PRDM14: variants seen among roughly 807,000 people sequenced by gnomAD.
The protein encoded by PRDM14 is PR/SET domain 14.
Under a neutral mutation model 48.0 loss-of-function variants are expected in PRDM14, and 16 were observed. That is an observed-to-expected ratio of 0.33 (90% CI 0.23 to 0.51). PRDM14 has a LOEUF of 0.51. PRDM14 is among the 20% of genes least tolerant of loss of function. The pLI, the probability that PRDM14 is intolerant of heterozygous loss-of-function variation, is 0.97. For synonymous variants in PRDM14, 264 were observed against 276.6 expected (o/e 0.95, Z 0.45); for missense variants, 566 against 719.6 (o/e 0.79, Z 2.44).
intron 2 of PRDM14, among the ~76,000 whole-genome samples, chr8:70,068,781 T>C (rs1347433423): frequency 6.6e-6 from 1 of 152,180 alleles, no homozygotes; most frequent in Non-Finnish European, 1.5e-5. Flanking sequence ...TTAACCCCAT[T>C]AGGCAAATTC....
chr8:70,069,956 A>AGCCTC (rs1202981037), intron 1 of PRDM14, 72 bp from the exon 2 acceptor site: 1 of 876,792 alleles, frequency 1.1e-6, no homozygotes, highest in African/African-American at 1.7e-5. Context: ...CCTCCCCACC[A>AGCCTC]GCCTCCTCCA....
At position 70,068,375 on chromosome 8, in the gene PRDM14, A is replaced by C; in HGVS notation, c.767T>G (p.Met256Arg). The change falls in exon 4 of 8, where the codon ATG becomes AGG. Residue 256 changes from methionine (M) to arginine (R), a missense_variant. Transcript: ENST00000276594. The part of the protein sequence containing the change: ...SLQLPEGLCL[M>R]QTVFGEVPHF... ...TGGGACTTCACCAAACACCGTCTGC[A>C]TGAGGCATAGACCTAGGGGAAAGCC... is the stretch of plus-strand genomic sequence containing the variant. 1 of 1,614,234 alleles carries C rather than the reference A, an allele frequency of 6.2e-7. No individual in the cohort carries two copies. The highest frequency in any genetic ancestry group is 1.7e-5 in the Admixed American group (1 of 60,022).
chr8:70,067,210 T>G (rs561778755), intron 4 of PRDM14, among the ~76,000 whole-genome samples: 1 of 152,304 alleles, frequency 6.6e-6, no homozygotes, highest in African/African-American at 2.4e-5. Context: ...TTCATGCATA[T>G]TAATGGAGCT....
chr8:70,062,914 T>C (rs775078184), intron 5 of PRDM14, among the ~76,000 whole-genome samples: 1 of 152,224 alleles, frequency 6.6e-6, no homozygotes, highest in Non-Finnish European at 1.5e-5. Flanking sequence ...TGGGATTTCT[T>C]GATTGGAGCT....
intron 5 of PRDM14, among the ~76,000 whole-genome samples, chr8:70,065,178 GC>G (rs1160095062): frequency 1.3e-5 from 2 of 151,998 alleles, no homozygotes; most frequent in Non-Finnish European, 2.9e-5. Context: ...GAGCCACTGT[GC>G]CCGACCTGAG....
chr8:70,069,478 T>A lies in PRDM14; in HGVS notation c.383A>T (p.Asp128Val). 1 of 1,581,886 alleles carries A rather than the reference T, an allele frequency of 6.3e-7. No homozygotes were observed. Among genetic ancestry groups the A allele is most frequent in the South Asian group, 1.2e-5 (1 of 85,752 alleles). ...SHEYAGASSE[D>V]LGHQIIGGDN... ...GCCACCAATGATTTGGTGGCCCAGA[T>A]CTTCACTGCTGGCACCCGCGTACTC... Residue 128 changes from aspartate (D) to valine (V), a missense_variant, in exon 2 of 8, where the codon GAT (aspartate) becomes GTT (valine). By Grantham distance (152) the Asp-to-Val change is radical. This residue lies in a region of PRDM14 where 410 missense variants were observed against 424.6 expected (regional missense o/e 0.97). Coordinates refer to ENST00000276594, the MANE Select transcript of PRDM14 (RefSeq NM_024504.4).
intron 5 of PRDM14, among the ~76,000 whole-genome samples, chr8:70,059,566 G>C (rs527647894): frequency 6.6e-6 from 1 of 151,942 alleles, no homozygotes; most frequent in African/African-American, 2.4e-5. Flanking sequence ...CACCATGCCC[G>C]GCCGCCAAGA....
intron 5 of PRDM14, among the ~76,000 whole-genome samples, chr8:70,061,268 A>G (rs905882494): frequency 6.6e-6 from 1 of 152,206 alleles, no homozygotes; most frequent in Non-Finnish European, 1.5e-5. Flanking sequence ...TTGACTATGA[A>G]TGCACCACAG....
intron 5 of PRDM14, among the ~76,000 whole-genome samples, chr8:70,061,564 G>A (rs1805581919): frequency 1.3e-5 from 2 of 152,172 alleles, no homozygotes; most frequent in African/African-American, 4.8e-5. Context: ...CCCGTGCTGG[G>A]ACACTTTTTT....
At position 70,060,792 on chromosome 8, in the gene PRDM14, TAAG is replaced by T. The variant is rs571045289; in HGVS notation, c.1184-1953_1184-1951del. 3.5e-4 allele frequency among the ~76,000 whole-genome samples: 54 copies of T among 152,304 alleles called. No homozygotes were observed. In the South Asian group the frequency reaches 0.011, roughly 30 times the overall value. On this transcript the variant is annotated intron_variant, in intron 5 of 7. Coordinates refer to ENST00000276594, the MANE Select transcript of PRDM14 (RefSeq NM_024504.4). ...GCCGACCTATTTCTCTTTGTGCCTT[TAAG>T]ATCAGCCTGAGTTACAAGCTCAGAG...
intron 5 of PRDM14, among the ~76,000 whole-genome samples, chr8:70,059,786 G>A (rs545398828): frequency 6.6e-6 from 1 of 152,162 alleles, no homozygotes; most frequent in African/African-American, 2.4e-5. Flanking sequence ...TTTAGAAGAT[G>A]ACATATTTTT....
At chr8:70,062,258 G>A (rs546356731) in intron 5 of PRDM14, among the ~76,000 whole-genome samples, 1 of 152,216 alleles carries the variant, frequency 6.6e-6, no homozygotes, top group Non-Finnish European at 1.5e-5. Flanking sequence ...ACCATCATAA[G>A]CCCTCATTCT....
At chr8:70,054,218 G>A (rs886446127) in intron 7 of PRDM14, among the ~76,000 whole-genome samples, 2 of 152,142 alleles carry the variant, frequency 1.3e-5, no homozygotes, top group Non-Finnish European at 2.9e-5. Context: ...ACTAGATGCC[G>A]CTTCTGCAAT....
In PRDM14 at chr8:70,066,402, AGGTTCTGCTCCTT is replaced by A; in HGVS notation, c.1003_1015del (p.Lys335Ter). ...ATGCCCTTGACACTGCACAGCAACT[AGGTTCTGCTCCTT>A]GGGGAAGCGGGCACAGTTGACATAG... On this transcript the variant is annotated frameshift_variant, in exon 5 of 8. Coordinates refer to ENST00000276594, the MANE Select transcript of PRDM14 (RefSeq NM_024504.4). LOFTEE classifies it high-confidence loss of function. The A allele has an allele frequency of 1.2e-6, 2 of 1,614,182 alleles. No homozygotes were observed. The highest frequency in any genetic ancestry group is 1.7e-6 in the Non-Finnish European group (2 of 1,180,020).
intron 7 of PRDM14, 108 bp downstream of exon 7, chr8:70,055,192 G>T: frequency 1.7e-6 from 1 of 587,034 alleles, no homozygotes; most frequent in Non-Finnish European, 3.0e-6. Flanking sequence ...GCTGATATTT[G>T]ACTAACATTT....
chr8:70,055,492 T>G (rs3750226), intron 6 of PRDM14, 91 bp from the exon 7 acceptor site: 3 of 659,442 alleles, frequency 4.5e-6, no homozygotes, highest in Non-Finnish European at 8.0e-6. Flanking sequence ...AGAGAAGAAC[T>G]CTTTTCCAAT....
At chr8:70,059,111 C>T (rs1043377584) in intron 5 of PRDM14, among the ~76,000 whole-genome samples, 20 of 151,836 alleles carry the variant, frequency 1.3e-4, no homozygotes, top group African/African-American at 4.8e-4. Context: ...CCCACTACCA[C>T]GCCTGGCTAA....
Position 70,058,778 on chromosome 8 carries a change from A to G in PRDM14, c.1248T>C (p.Asp416=). ...GKVFTYKYYR[D]KHLKYTPCVD... ...CACAGGGGGTGTACTTGAGGTGCTT[A>G]TCTCTGTAATATTTGTAGGTAAATA... Residue 416 remains aspartate, a synonymous_variant, in exon 6 of 8, where the codon GAT becomes GAC. Coordinates refer to ENST00000276594, the MANE Select transcript of PRDM14 (RefSeq NM_024504.4). 6.2e-7 allele frequency: 1 copy of G among 1,614,106 alleles called. No individual in the cohort carries two copies. The highest frequency in any genetic ancestry group is 1.1e-5 in the South Asian group (1 of 91,082).
At chr8:70,059,261 A>ATTTTC (rs549338001) in intron 5 of PRDM14, among the ~76,000 whole-genome samples, 11 of 149,800 alleles carry the variant, frequency 7.3e-5, no homozygotes, top group African/African-American at 2.2e-4. Flanking sequence ...GGTCAAGAGA[A>ATTTTC]TTTTCTTTTC....
Sources: allele counts gnomAD v4.1 joint callset (sites outside exome capture counted in the v4.1 genomes callset), GRCh38; gene constraint gnomAD v4.1.1; regional missense constraint gnomAD v4.1.1; transcripts MANE v1.5; gene names NCBI Gene and HGNC (gene_info 2026-07-23, HGNC 2026-07-21).